Variants in BPIFA2 observed in about 807,000 individuals in gnomAD.
The protein encoded by BPIFA2 is BPI fold-containing family A member 2.
A neutral mutation model predicts 25.7 loss-of-function variants in BPIFA2; 20 were observed. The ratio of observed to expected loss-of-function variants is 0.78; its 90% confidence interval spans 0.55 to 1.13. The LOEUF (loss-of-function observed/expected upper bound fraction) is 1.13, where lower values mean the gene tolerates loss of function less well. Among genes scored for constraint, BPIFA2 ranks in the 50% most tolerant of loss-of-function variants. BPIFA2 has a pLI of 0.00. For missense variants in BPIFA2, 300 were observed against 298.1 expected (o/e 1.01, Z -0.05); for synonymous variants, 126 against 124.3 (o/e 1.01, Z -0.09).
chr20:33,179,747 G>T, intron 7 of BPIFA2, 80 bp downstream of exon 7: 2 of 1,401,592 alleles, frequency 1.4e-6, no homozygotes, highest in East Asian at 2.3e-5. Flanking sequence ...CTGGTCAGGG[G>T]ACCCTGGAGA....
chr20:33,173,077 G>A lies in BPIFA2; in HGVS notation c.302+1G>A. ...TTCCAACTAACACGGACATTTTTGG[G>A]TGAGTTGGTCCTTCAGGGTGGAGAT... On this transcript the variant is annotated splice_donor_variant, in intron 3 of 8. Coordinates refer to ENST00000354932, the MANE Select transcript of BPIFA2 (RefSeq NM_080574.4). LOFTEE classifies it high-confidence loss of function. 2 of 1,613,638 alleles carry A rather than the reference G, an allele frequency of 1.2e-6. No individual in the cohort carries two copies. The highest frequency in any genetic ancestry group is 1.7e-6 in the Non-Finnish European group (2 of 1,179,798).
upstream of BPIFA2, among the ~76,000 whole-genome samples, chr20:33,167,682 C>CGTTGTG (rs11471648): frequency 2.6e-5 from 4 of 152,178 alleles, no homozygotes; most frequent in African/African-American, 4.8e-5. Context: ...GGGGGCAGGA[C>CGTTGTG]CCCTGGGAGG....
chr20:33,169,403 G>C, intron 2 of BPIFA2, 101 bp downstream of exon 2: 1 of 1,199,358 alleles, frequency 8.3e-7, no homozygotes, highest in Non-Finnish European at 1.2e-6. Flanking sequence ...CTTTATGGGC[G>C]GTTTACTGAG....
chr20:33,169,832 T>G (rs540868812), intron 2 of BPIFA2, among the ~76,000 whole-genome samples: 1 of 152,350 alleles, frequency 6.6e-6, no homozygotes, highest in Admixed American at 6.5e-5. Flanking sequence ...TTTAATATTC[T>G]TTTATGGACT....
Position 33,175,481 on chromosome 20 carries a change from C to T in BPIFA2, c.485C>T (p.Pro162Leu). 1 of 1,614,084 alleles carries T rather than the reference C, an allele frequency of 6.2e-7. No homozygotes were observed. The highest frequency in any genetic ancestry group is 8.5e-7 in the Non-Finnish European group (1 of 1,179,982). Reference protein sequence around the residue: ...LLTAVTIETDPQTHQPVAVLG... With the variant: ...LLTAVTIETDLQTHQPVAVLG... ...ACCGCAGTCACAATTGAAACTGATC[C>T]CCAGACACACCAGCCTGTTGCCGTC... The change falls in exon 5 of 9, where the codon CCC becomes CTC. Residue 162 changes from proline to leucine, a missense_variant. Coordinates refer to ENST00000354932, the MANE Select transcript of BPIFA2 (RefSeq NM_080574.4).
In BPIFA2 at chr20:33,169,127, C is replaced by G. The variant is rs749914385; in HGVS notation, c.-15-4C>G. ...TCACTCCTGTTCTTCCCATGACTGTCCAGGTGTCAAGACAAAAGATGCTTC... is the reference window on the plus strand; with the variant it reads ...TCACTCCTGTTCTTCCCATGACTGTGCAGGTGTCAAGACAAAAGATGCTTC... On this transcript the variant is annotated splice_region_variant and splice_polypyrimidine_tract_variant and intron_variant, in intron 1 of 8. Coordinates refer to ENST00000354932, the MANE Select transcript of BPIFA2 (RefSeq NM_080574.4). 6 of 1,612,374 alleles carry G rather than the reference C, an allele frequency of 3.7e-6. No individual in the cohort carries two copies. In the South Asian group the frequency reaches 6.6e-5, roughly 18 times the overall value.
At chr20:33,165,608 C>A (rs1600594560), upstream of BPIFA2, among the ~76,000 whole-genome samples, 2 of 152,212 alleles carry the variant, frequency 1.3e-5, no homozygotes, top group South Asian at 4.1e-4. Flanking sequence ...GAAAAAGATA[C>A]CAGCTTGGAG....
chr20:33,171,102 T>C (rs569412182), intron 2 of BPIFA2, among the ~76,000 whole-genome samples: 1 of 152,370 alleles, frequency 6.6e-6, no homozygotes, highest in East Asian at 1.9e-4. Context: ...ATGTCTGTTT[T>C]GGTACCAGTA....
chr20:33,177,620 G>T (rs1325841855), intron 5 of BPIFA2, among the ~76,000 whole-genome samples: 1 of 152,180 alleles, frequency 6.6e-6, no homozygotes, highest in Non-Finnish European at 1.5e-5. Context: ...CCAGGGAAAT[G>T]AGTCCTGCAG....
chr20:33,167,960 G>A (rs567531535), upstream of BPIFA2, among the ~76,000 whole-genome samples: 1 of 152,342 alleles, frequency 6.6e-6, no homozygotes, highest in African/African-American at 2.4e-5. Context: ...TTGGCGGAAA[G>A]CCCTCTCCAT....
intron 3 of BPIFA2, among the ~76,000 whole-genome samples, chr20:33,173,586 G>C (rs1983975217): frequency 6.6e-6 from 1 of 152,086 alleles, no homozygotes; most frequent in African/African-American, 2.4e-5. Context: ...GCTCACTACA[G>C]CCTCGCCTCC....
upstream of BPIFA2, among the ~76,000 whole-genome samples, chr20:33,164,553 C>G (rs1030784287): frequency 6.7e-6 from 1 of 149,242 alleles, no homozygotes; most frequent in East Asian, 1.9e-4. Context: ...TCCACATCCC[C>G]TCTCTCTCTT....
intron 1 of BPIFA2, among the ~76,000 whole-genome samples, chr20:33,162,955 C>G (rs372191031): frequency 4.6e-5 from 7 of 152,334 alleles, no homozygotes; most frequent in African/African-American, 1.4e-4. Flanking sequence ...CAGCAGCTCC[C>G]CATTTGCTTG....
chr20:33,176,376 GC>G (rs1262607785), intron 5 of BPIFA2, among the ~76,000 whole-genome samples: 31 of 152,236 alleles, frequency 2.0e-4, no homozygotes, highest in African/African-American at 6.5e-4. Flanking sequence ...GAAGCTGAGG[GC>G]TGGGGCTACT....
chr20:33,177,295 C>T (rs1181884201), intron 5 of BPIFA2, among the ~76,000 whole-genome samples: 2 of 151,086 alleles, frequency 1.3e-5, no homozygotes, highest in African/African-American at 4.9e-5. Flanking sequence ...GCAGAGGTTG[C>T]AGTGAGCCGA....
chr20:33,163,598 G>A (rs894821123), upstream of BPIFA2, among the ~76,000 whole-genome samples: 13 of 152,210 alleles, frequency 8.5e-5, no homozygotes, highest in African/African-American at 2.9e-4. Context: ...TAAGGCAGGC[G>A]GATTACTTGA....
At chr20:33,180,043 C>T (rs1366757994) in intron 7 of BPIFA2, among the ~76,000 whole-genome samples, 1 of 152,004 alleles carries the variant, frequency 6.6e-6, no homozygotes, top group Non-Finnish European at 1.5e-5. Flanking sequence ...CACGGTGAAA[C>T]CCCATCTCTA....
At chr20:33,164,559 C>T (rs924202423), upstream of BPIFA2, among the ~76,000 whole-genome samples, 4 of 151,514 alleles carry the variant, frequency 2.6e-5, no homozygotes, top group Admixed American at 6.6e-5. Context: ...TCCCCTCTCT[C>T]TCTTTCTTTC....
rs771075584 is a variant in BPIFA2, at chr20:33,169,178, C to G, written c.33C>G (p.Cys11Trp). 1 of 1,614,054 alleles carries G rather than the reference C, an allele frequency of 6.2e-7. No individual in the cohort carries two copies. Among genetic ancestry groups the G allele is most frequent in the Non-Finnish European group, 8.5e-7 (1 of 1,179,938 alleles). The change falls in exon 2 of 9, where the codon TGC (cysteine) becomes TGG (tryptophan). Residue 11 changes from cysteine to tryptophan, a missense_variant. Coordinates refer to ENST00000354932, the MANE Select transcript of BPIFA2 (RefSeq NM_080574.4). ...AGCTTTGGAAACTTGTTCTCCTGTG[C>G]GGCGTGCTCACTGGGACCTCAGAGT... Reference protein sequence around the residue: MLQLWKLVLLCGVLTGTSESL... With the variant: MLQLWKLVLLWGVLTGTSESL...
Sources: allele counts gnomAD v4.1 joint callset (sites outside exome capture counted in the v4.1 genomes callset), GRCh38; gene constraint gnomAD v4.1.1; transcripts MANE v1.5; gene names NCBI Gene and HGNC (gene_info 2026-07-23, HGNC 2026-07-21).